PIGN: variants seen among roughly 807,000 people sequenced by gnomAD.
The protein encoded by PIGN is phosphatidylinositol glycan anchor biosynthesis class N.
A neutral mutation model predicts 125.4 loss-of-function variants in PIGN; 117 were observed. The ratio of observed to expected loss-of-function variants is 0.93; its 90% CI spans 0.80 to 1.09. PIGN has a LOEUF of 1.09. Among genes scored for constraint, PIGN ranks in the 50% least tolerant of loss-of-function variants. PIGN has a pLI of 0.00. For missense variants in PIGN, 1,075 were observed against 1,094.9 expected (o/e 0.98, Z 0.26); for synonymous variants, 392 against 377.8 (o/e 1.04, Z -0.44).
chr18:62,067,617 A>G (rs1191224746), intron 30 of PIGN, among the ~76,000 whole-genome samples: 6 of 152,226 alleles, frequency 3.9e-5, no homozygotes, highest in Non-Finnish European at 8.8e-5. Context: ...TCTATAAAGT[A>G]TCTGATAGTC....
At chr18:62,069,499 AT>A (rs772762835) in intron 30 of PIGN, 35 of 152,272 alleles carry the variant, frequency 2.3e-4, no homozygotes, top group Admixed American at 4.6e-4. Context: ...ACAATGAACT[AT>A]CATTCAGCCT....
At chr18:62,167,633 A>G (rs1032720164) in intron 1 of PIGN, among the ~76,000 whole-genome samples, 1 of 92,404 alleles carries the variant, frequency 1.1e-5, no homozygotes, top group Non-Finnish European at 2.4e-5. Flanking sequence ...CTCCGTCTCA[A>G]AAAAAAAAAA....
intron 10 of PIGN, among the ~76,000 whole-genome samples, chr18:62,145,272 T>C (rs2036282438): frequency 6.6e-6 from 1 of 152,188 alleles, no homozygotes; most frequent in African/African-American, 2.4e-5. Context: ...GTTACACTGT[T>C]CTGGCCTTTT....
Position 62,069,043 on chromosome 18 carries a change from G to A in PIGN, c.2672+3630C>T, listed in dbSNP as rs2032690504. On this transcript the variant is annotated intron_variant, in intron 30 of 30. Coordinates refer to ENST00000640252, the MANE Select transcript of PIGN (RefSeq NM_176787.5). Reference sequence around the variant, plus strand: ...TTATGCTTCCTGAAAGCCCAGAACTGTGAGTTTCTCATCCCCAGCAACTCT... The same window carrying A: ...TTATGCTTCCTGAAAGCCCAGAACTATGAGTTTCTCATCCCCAGCAACTCT... 2.0e-5 allele frequency among the ~76,000 whole-genome samples: 3 copies of A among 152,272 alleles called. No homozygotes were observed. In the South Asian group the frequency reaches 6.2e-4, roughly 32 times the overall value.
At chr18:62,149,789 T>C (rs1273743259) in intron 7 of PIGN, among the ~76,000 whole-genome samples, 2 of 152,204 alleles carry the variant, frequency 1.3e-5, no homozygotes, top group African/African-American at 2.4e-5. Flanking sequence ...AGGAAAACTT[T>C]AGGAGACTAA....
At chr18:62,122,132 A>G (rs1374412248) in intron 14 of PIGN, among the ~76,000 whole-genome samples, 1 of 152,172 alleles carries the variant, frequency 6.6e-6, no homozygotes, top group Admixed American at 6.5e-5. Context: ...TCAATAGAGC[A>G]GTAGGATGAC....
chr18:62,036,692 G>A (rs2030265905), downstream of PIGN, among the ~76,000 whole-genome samples: 1 of 152,126 alleles, frequency 6.6e-6, no homozygotes, highest in Non-Finnish European at 1.5e-5. Context: ...TTTGTCAACT[G>A]CTAGTTAGGA....
rs764432688 is a variant in PIGN at position 62,157,246 on chromosome 18, C to G, written c.344-19G>C. On this transcript the variant is annotated intron_variant, in intron 5 of 30. Coordinates refer to ENST00000640252, the MANE Select transcript of PIGN (RefSeq NM_176787.5). ...TTCCATCCTTCAGAAAGCAAGCAAG[C>G]AGTAATAGTTATATACACATGGTAC... The G allele has an allele frequency of 1.4e-6, 2 of 1,382,366 alleles. No individual in the cohort carries two copies. The highest frequency in any genetic ancestry group is 1.2e-5 in the South Asian group (1 of 83,548). 85.6% of individuals were successfully genotyped at this position (1,382,366 alleles called of 1,614,324 possible).
chr18:62,114,447 CCTTCCTTGAGG>C, intron 15 of PIGN, 103 bp downstream of exon 15: 1 of 657,960 alleles, frequency 1.5e-6, no homozygotes, highest in Non-Finnish European at 2.8e-6. Flanking sequence ...GAAATGCAAT[CCTTCCTTGAGG>C]GCTCAAGAAA....
At position 62,101,012 on chromosome 18, in the gene PIGN, A is replaced by C. The variant is rs17069450; in HGVS notation, c.2077+63T>G. On this transcript the variant is annotated intron_variant, in intron 22 of 30. Coordinates refer to ENST00000640252, the MANE Select transcript of PIGN (RefSeq NM_176787.5). ...CAATAACAATGATACAGACATAAAC[A>C]GATCATTTTAAAATAACTAAGTTGA... 0.014 allele frequency: 11,950 copies of C among 844,790 alleles called. 311 individuals carry two copies. Among genetic ancestry groups the C allele is most frequent in the Middle Eastern group, 0.059 (270 of 4,584 alleles). The allele number at this position is 844,790 out of a possible 1,614,324, so 52.3% of individuals were successfully genotyped here. A position where few individuals can be genotyped will look rare whatever the true frequency, so the allele number is the denominator to read the frequency against.
intron 30 of PIGN, among the ~76,000 whole-genome samples, chr18:62,047,607 C>T (rs1013092470): frequency 2.0e-5 from 3 of 152,168 alleles, no homozygotes; most frequent in Non-Finnish European, 2.9e-5. Flanking sequence ...AAGGAGCTCC[C>T]TCTCGGGTGC....
chr18:62,139,833 A>G (rs995322422), intron 12 of PIGN, among the ~76,000 whole-genome samples: 1 of 152,200 alleles, frequency 6.6e-6, no homozygotes, highest in African/African-American at 2.4e-5. Context: ...CAGCTCTGCC[A>G]TGGGATCATG....
Position 62,085,257 on chromosome 18 carries a change from A to G in PIGN, c.2378T>C (p.Phe793Ser). 1.9e-6 allele frequency: 3 copies of G among 1,542,960 alleles called. No individual in the cohort carries two copies. The highest frequency in any genetic ancestry group is 2.6e-6 in the Non-Finnish European group (3 of 1,139,956). ...DIRRAFFLVF[F>S]LVTAFFGTGN... is the part of the protein sequence containing the mutation. ...AGTTCCAAAAAATGCTGTCACTAAG[A>G]AGAAAACCTAAAGGGAGTCAAGGAA... The change falls in exon 26 of 31, where the codon TTC (phenylalanine) becomes TCC (serine). Residue 793 changes from phenylalanine to serine, a missense_variant. Phe to Ser is a radical substitution (Grantham distance 155). Coordinates refer to ENST00000640252, the MANE Select transcript of PIGN (RefSeq NM_176787.5).
chr18:62,150,381 T>C (rs571817915), intron 7 of PIGN, among the ~76,000 whole-genome samples: 4 of 152,184 alleles, frequency 2.6e-5, no homozygotes, highest in Non-Finnish European at 4.4e-5. Flanking sequence ...ACAGTTATAG[T>C]ATAGCACAAT....
At chr18:62,080,994 G>T (rs1396125446) in intron 28 of PIGN, among the ~76,000 whole-genome samples, 1 of 151,810 alleles carries the variant, frequency 6.6e-6, no homozygotes, top group African/African-American at 2.4e-5. Flanking sequence ...AATTAGAAAA[G>T]TAAATTTTAA....
chr18:62,125,053 T>C (rs934088263), intron 14 of PIGN, among the ~76,000 whole-genome samples: 1 of 151,942 alleles, frequency 6.6e-6, no homozygotes, highest in East Asian at 1.9e-4. Flanking sequence ...ATACAATTTG[T>C]ACATACATGT....
At chr18:62,128,668 GT>G (rs75976540) in intron 14 of PIGN, among the ~76,000 whole-genome samples, 44,915 of 151,804 alleles carry the variant, frequency 0.3, 7,830 homozygotes, top group East Asian at 0.55. Flanking sequence ...ATTATCCTTT[GT>G]TTTCACATTA....
chr18:62,175,344 C>T (rs56273360), intron 1 of PIGN, among the ~76,000 whole-genome samples: 24,962 of 151,954 alleles, frequency 0.16, 2,738 homozygotes, highest in Middle Eastern at 0.29. Flanking sequence ...TTCACTTGTT[C>T]ACTATACTTC....
rs571817915 is a variant in PIGN at position 62,150,381 on chromosome 18, T to G, written c.550-2043A>C. Among the ~76,000 whole-genome samples the G allele has an allele frequency of 7.5e-4, 114 of 152,302 alleles. 1 individual carries two copies. The highest frequency in any genetic ancestry group is 6.8e-3 in the Middle Eastern group (2 of 294). On this transcript the variant is annotated intron_variant, in intron 7 of 30. Transcript: ENST00000640252. ...TATGTCAATGTATGAACAGTTATAGTATAGCACAATAAAGTATTAAGGGAA... is the reference window on the plus strand; with the variant it reads ...TATGTCAATGTATGAACAGTTATAGGATAGCACAATAAAGTATTAAGGGAA...
Sources: allele counts gnomAD v4.1 joint callset (sites outside exome capture counted in the v4.1 genomes callset), GRCh38; gene constraint gnomAD v4.1.1; transcripts MANE v1.5; gene names NCBI Gene and HGNC (gene_info 2026-07-23, HGNC 2026-07-21).